GNA14: variants seen among roughly 807,000 people sequenced by gnomAD.
GNA14 encodes the protein guanine nucleotide-binding protein subunit alpha-14.
GNA14 carries 50 observed loss-of-function variants against 42.0 expected under a neutral mutation model. The observed-to-expected ratio is 1.19, with a 90% confidence interval of 0.95 to 1.51. The LOEUF (loss-of-function observed/expected upper bound fraction) is 1.51, where lower values mean the gene tolerates loss of function less well. Among genes scored for constraint, GNA14 ranks in the 40% most tolerant of loss-of-function variants. GNA14 has a pLI of 0.00. For synonymous variants in GNA14, 173 were observed against 163.1 expected (o/e 1.06, Z -0.46); for missense variants, 473 against 446.2 (o/e 1.06, Z -0.54).
At chr9:77,473,406 A>T (rs1836365560) in intron 2 of GNA14, among the ~76,000 whole-genome samples, 1 of 152,180 alleles carries the variant, frequency 6.6e-6, no homozygotes, top group Non-Finnish European at 1.5e-5. Flanking sequence ...CAGTGAATCA[A>T]GATCATGCCA....
At chr9:77,534,976 CTT>C (rs1191976966) in intron 1 of GNA14, among the ~76,000 whole-genome samples, 1 of 152,232 alleles carries the variant, frequency 6.6e-6, no homozygotes, top group African/African-American at 2.4e-5. Context: ...GATGAAGACA[CTT>C]GAGGCCAGGT....
At chr9:77,609,347 A>G (rs769831713) in intron 1 of GNA14, among the ~76,000 whole-genome samples, 25 of 152,182 alleles carry the variant, frequency 1.6e-4, no homozygotes, top group Non-Finnish European at 2.6e-4. Context: ...CCAGCATTGC[A>G]TTCATGATTA....
At chr9:77,532,293 C>T (rs950898081) in intron 1 of GNA14, among the ~76,000 whole-genome samples, 13 of 152,180 alleles carry the variant, frequency 8.5e-5, no homozygotes, top group African/African-American at 2.9e-4. Flanking sequence ...TTATTTCCCC[C>T]AAGTACATGG....
intron 2 of GNA14, among the ~76,000 whole-genome samples, chr9:77,480,729 G>C (rs1836534741): frequency 6.6e-6 from 1 of 152,208 alleles, no homozygotes; most frequent in Non-Finnish European, 1.5e-5. Flanking sequence ...TTCAGAGTCT[G>C]TTATTGGTCT....
chr9:77,562,902 T>A (rs1359450842), intron 1 of GNA14, among the ~76,000 whole-genome samples: 2 of 152,302 alleles, frequency 1.3e-5, no homozygotes, highest in Non-Finnish European at 2.9e-5. Context: ...GAATAGATCA[T>A]CTTCAGATCA....
intron 2 of GNA14, among the ~76,000 whole-genome samples, chr9:77,443,569 G>A (rs941348401): frequency 7.9e-5 from 12 of 152,226 alleles, no homozygotes; most frequent in African/African-American, 2.2e-4. Context: ...TACAATCTTC[G>A]TCCTTCTCTT....
chr9:77,458,941 A>G (rs1165877064), intron 2 of GNA14, among the ~76,000 whole-genome samples: 1 of 148,824 alleles, frequency 6.7e-6, no homozygotes. Flanking sequence ...CTTGCCCAAG[A>G]CTCTAGCCCC....
chr9:77,631,234 CT>C (rs1824095041), intron 1 of GNA14, among the ~76,000 whole-genome samples: 1 of 152,120 alleles, frequency 6.6e-6, no homozygotes, highest in Non-Finnish European at 1.5e-5. Context: ...CAGGTTACAT[CT>C]TCCTCTAGAA....
chr9:77,585,869 T>C (rs1324946781), intron 1 of GNA14, among the ~76,000 whole-genome samples: 1 of 152,228 alleles, frequency 6.6e-6, no homozygotes, highest in Non-Finnish European at 1.5e-5. Context: ...TTTAGACCTT[T>C]ATGTTGTTAG....
chr9:77,515,020 C>G (rs1417795055), intron 2 of GNA14, among the ~76,000 whole-genome samples: 1 of 152,040 alleles, frequency 6.6e-6, no homozygotes, highest in African/African-American at 2.4e-5. Context: ...ACAGTGAGGC[C>G]TGGGAGAAGC....
At chr9:77,463,257 A>T (rs573661329) in intron 2 of GNA14, among the ~76,000 whole-genome samples, 1 of 152,322 alleles carries the variant, frequency 6.6e-6, no homozygotes, top group African/African-American at 2.4e-5. Context: ...AGGAGTCGCC[A>T]TCACAATCAG....
chr9:77,476,896 G>A (rs1302688682), intron 2 of GNA14, among the ~76,000 whole-genome samples: 1 of 152,200 alleles, frequency 6.6e-6, no homozygotes, highest in African/African-American at 2.4e-5. Flanking sequence ...TAGAAAGGTG[G>A]TGGTGTTCCT....
intron 1 of GNA14, among the ~76,000 whole-genome samples, chr9:77,572,505 G>A (rs1459876667): frequency 6.6e-6 from 1 of 152,056 alleles, no homozygotes; most frequent in Non-Finnish European, 1.5e-5. Flanking sequence ...GCCCCAAAAG[G>A]TATTTTAGAA....
chr9:77,521,673 A>G lies in GNA14; in HGVS notation c.309+7396T>C, dbSNP rs569521031. On this transcript the variant is annotated intron_variant, in intron 2 of 6. Transcript: ENST00000341700. ...TACTCTCCTATGATCCCGCCCCCAA[A>G]ATACTACACTTGATTGCTTAAATAT... 3.9e-5 allele frequency among the ~76,000 whole-genome samples: 6 copies of G among 152,296 alleles called. No individual in the cohort carries two copies. The East Asian group carries it at 9.6e-4, about 24-fold the overall frequency.
At chr9:77,500,155 T>C (rs1836941976) in intron 2 of GNA14, among the ~76,000 whole-genome samples, 1 of 152,056 alleles carries the variant, frequency 6.6e-6, no homozygotes, top group African/African-American at 2.4e-5. Context: ...CCCAAGTAGC[T>C]GGGATTACAG....
At chr9:77,534,591 C>T (rs10781445) in intron 1 of GNA14, among the ~76,000 whole-genome samples, 1 of 152,012 alleles carries the variant, frequency 6.6e-6, no homozygotes, top group African/African-American at 2.4e-5. Context: ...CTGTTTGTAG[C>T]TCAGTTTTGC....
Position 77,424,120 on chromosome 9 carries a change from G to T in GNA14, c.927C>A (p.Tyr309Ter). The T allele has an allele frequency of 1.2e-6, 2 of 1,612,800 alleles. No individual in the cohort carries two copies. Among genetic ancestry groups the T allele is most frequent in the Non-Finnish European group, 1.7e-6 (2 of 1,179,216 alleles). Residue 309 changes from tyrosine (Y) to a stop codon, truncating the protein, a stop_gained, in exon 7 of 7, where the codon TAC becomes TAA. Transcript: ENST00000341700. LOFTEE classifies it high-confidence loss of function. The part of the protein sequence containing the change: ...RAARDFILKL[Y>*]QDQNPDKEKV... ...TCTCTTTGTCAGGATTCTGATCTTG[G>T]TAAAGCTTCAGGATAAAGTCTCTGG...
chr9:77,645,531 C>T (rs1394188387), intron 1 of GNA14, among the ~76,000 whole-genome samples: 13 of 152,078 alleles, frequency 8.5e-5, no homozygotes, highest in Non-Finnish European at 1.6e-4. Flanking sequence ...GTCACAACTC[C>T]GCAAGATGAA....
At chr9:77,623,218 A>C (rs1413788413) in intron 1 of GNA14, among the ~76,000 whole-genome samples, 1 of 73,456 alleles carries the variant, frequency 1.4e-5, no homozygotes. Flanking sequence ...CGCTGTCTCA[A>C]AAAAAAAAAA....
Sources: allele counts gnomAD v4.1 joint callset (sites outside exome capture counted in the v4.1 genomes callset), GRCh38; gene constraint gnomAD v4.1.1; transcripts MANE v1.5; gene names NCBI Gene and HGNC (gene_info 2026-07-23, HGNC 2026-07-21).